Variants in C11orf65 observed in about 807,000 individuals in gnomAD.
C11orf65 encodes the protein protein MFI.
A neutral mutation model predicts 35.3 loss-of-function variants in C11orf65; 38 were observed. That is an observed-to-expected ratio of 1.08 (90% CI 0.83 to 1.41). The LOEUF (loss-of-function observed/expected upper bound fraction) is 1.41. Among genes scored for constraint, C11orf65 ranks in the 40% most tolerant of loss-of-function variants. The pLI is 0.00. For missense variants in C11orf65, 370 were observed against 367.1 expected, an observed-to-expected ratio of 1.01 and a Z score of -0.06; for synonymous variants, 105 against 114.4, an observed-to-expected ratio of 0.92 and a Z score of 0.53.
chr11:108,311,198 C>T (rs2084126935), intron 6 of C11orf65, among the ~76,000 whole-genome samples: 1 of 152,080 alleles, frequency 6.6e-6, no homozygotes, highest in Admixed American at 6.5e-5. Flanking sequence ...TGGTCCCAAG[C>T]TCCTACGTTC....
At chr11:108,364,085 T>C (rs2091084846) in intron 2 of C11orf65, among the ~76,000 whole-genome samples, 1 of 152,148 alleles carries the variant, frequency 6.6e-6, no homozygotes, top group African/African-American at 2.4e-5. Flanking sequence ...TGGAGGACAC[T>C]CAAAACAGCA....
At chr11:108,384,745 G>A (rs1328081649) in intron 8 of C11orf65, among the ~76,000 whole-genome samples, 1 of 152,208 alleles carries the variant, frequency 6.6e-6, no homozygotes, top group Admixed American at 6.5e-5. Flanking sequence ...CTGCACTCCA[G>A]CCTGGGCAAC....
intron 6 of C11orf65, among the ~76,000 whole-genome samples, chr11:108,323,177 G>A (rs1355286186): frequency 2.0e-5 from 3 of 152,154 alleles, no homozygotes; most frequent in Non-Finnish European, 2.9e-5. Context: ...AATAATAATA[G>A]TTTTTTCAAA....
intron 2 of C11orf65, among the ~76,000 whole-genome samples, chr11:108,349,853 G>A (rs1410682831): frequency 6.6e-6 from 1 of 152,150 alleles, no homozygotes; most frequent in African/African-American, 2.4e-5. Context: ...AAATCATAAA[G>A]TACGTGAGTC....
chr11:108,321,609 C>G lies in C11orf65; in HGVS notation c.641-12538G>C, dbSNP rs531620932. 1.2e-4 allele frequency among the ~76,000 whole-genome samples: 18 copies of G among 152,106 alleles called. No homozygotes were observed. The South Asian group carries it at 3.3e-3, about 28-fold the overall frequency. ...ACCAGCCTGGCCAACATGGTGAAAC[C>G]CTATCTCTACTAAAAATACAAAAAT... On this transcript the variant is annotated intron_variant, in intron 6 of 6. Transcript: ENST00000525729.
At chr11:108,410,960 T>C (rs1207462249) in intron 3 of C11orf65, among the ~76,000 whole-genome samples, 3 of 152,030 alleles carry the variant, frequency 2.0e-5, no homozygotes, top group Non-Finnish European at 4.4e-5. Context: ...CCCCCTGCCT[T>C]GGCCTCCCAA....
downstream of C11orf65, chr11:108,330,220 A>C (rs199909913): frequency 3.0e-5 from 48 of 1,613,968 alleles, no homozygotes; most frequent in Non-Finnish European, 4.0e-5. Flanking sequence ...CAAGATACAC[A>C]GTAAAGGTTC....
chr11:108,404,658 C>G (rs1033640608), intron 6 of C11orf65, among the ~76,000 whole-genome samples: 1 of 151,292 alleles, frequency 6.6e-6, no homozygotes, highest in South Asian at 2.1e-4. Flanking sequence ...CTCAATCTCC[C>G]GATCTCGTGA....
downstream of C11orf65, chr11:108,330,203 T>C (rs1565529149): frequency 6.2e-7 from 1 of 1,612,362 alleles, no homozygotes; most frequent in Non-Finnish European, 8.5e-7. Flanking sequence ...ACCTTAATTA[T>C]TCTATGCAAG....
chr11:108,435,345 C>T (rs2093046220), intron 2 of C11orf65, among the ~76,000 whole-genome samples: 1 of 152,022 alleles, frequency 6.6e-6, no homozygotes, highest in Non-Finnish European at 1.5e-5. Flanking sequence ...AAGACAATTA[C>T]CATACTGGCT....
At chr11:108,335,795 T>A (rs762648668) in intron 2 of C11orf65, 1 of 1,478,066 alleles carries the variant, frequency 6.8e-7, no homozygotes, top group African/African-American at 1.4e-5. Context: ...CTCTGTGTTT[T>A]TATAATAAAA....
intron 2 of C11orf65, among the ~76,000 whole-genome samples, chr11:108,343,671 G>C (rs2087894583): frequency 6.6e-6 from 1 of 152,118 alleles, no homozygotes; most frequent in Non-Finnish European, 1.5e-5. Flanking sequence ...AAAATGCCAG[G>C]CACGATGGCA....
chr11:108,380,097 A>G (rs2091837901), downstream of C11orf65, among the ~76,000 whole-genome samples: 1 of 152,178 alleles, frequency 6.6e-6, no homozygotes, highest in Non-Finnish European at 1.5e-5. Context: ...CACTGATGAT[A>G]CTGACTATGG....
chr11:108,341,115 C>G (rs1054788417), intron 2 of C11orf65, among the ~76,000 whole-genome samples: 1 of 151,964 alleles, frequency 6.6e-6, no homozygotes, highest in Non-Finnish European at 1.5e-5. Flanking sequence ...CTACCACTCT[C>G]CTCACACTCC....
At chr11:108,337,685 C>G (rs2087002832) in intron 2 of C11orf65, among the ~76,000 whole-genome samples, 1 of 152,214 alleles carries the variant, frequency 6.6e-6, no homozygotes, top group African/African-American at 2.4e-5. Context: ...GATCTATTAG[C>G]TATCTCCTAT....
chr11:108,416,441 G>A (rs1591507681), intron 3 of C11orf65, among the ~76,000 whole-genome samples: 1 of 152,234 alleles, frequency 6.6e-6, no homozygotes, highest in African/African-American at 2.4e-5. Context: ...CAACACTTTG[G>A]GAGGCTGAGG....
At chr11:108,428,490 G>A (rs1328864731) in intron 3 of C11orf65, among the ~76,000 whole-genome samples, 2 of 152,164 alleles carry the variant, frequency 1.3e-5, no homozygotes, top group Non-Finnish European at 2.9e-5. Context: ...CATAAAAAAG[G>A]ATGTGTTCAT....
chr11:108,355,264 G>A, intron 2 of C11orf65: 1 of 236,544 alleles, frequency 4.2e-6, no homozygotes, highest in South Asian at 5.7e-5. Context: ...CAGACAAATG[G>A]AGATCAAATT....
intron 2 of C11orf65, among the ~76,000 whole-genome samples, chr11:108,364,281 TTA>T (rs1163454202): frequency 6.6e-6 from 1 of 152,214 alleles, no homozygotes; most frequent in African/African-American, 2.4e-5. Context: ...TTGTCTCCAC[TTA>T]TTACTAAGAT....
Sources: allele counts gnomAD v4.1 joint callset (sites outside exome capture counted in the v4.1 genomes callset), GRCh38; gene constraint gnomAD v4.1.1; transcripts MANE v1.5; gene names NCBI Gene and HGNC (gene_info 2026-07-23, HGNC 2026-07-21).